SGSM2: variants seen among roughly 807,000 people sequenced by gnomAD.
SGSM2 encodes RUN and TBC1 domain containing 1.
A neutral mutation model predicts 126.6 loss-of-function variants in SGSM2; 89 were observed. That is an observed-to-expected ratio of 0.70 (90% CI 0.59 to 0.84). SGSM2 has a LOEUF of 0.84. SGSM2 is among the 40% of genes least tolerant of loss of function. SGSM2 has a pLI of 0.00. For missense variants in SGSM2, 1,404 were observed against 1,416.6 expected (o/e 0.99, Z 0.14); for synonymous variants, 614 against 574.3 (o/e 1.07, Z -0.99).
Position 2,343,710 on chromosome 17 carries a change from T to G in SGSM2, c.133+90T>G, listed in dbSNP as rs142680743. The G allele has an allele frequency of 3.3e-4, 368 of 1,118,494 alleles. 1 individual carries two copies. The African/African-American group carries it at 5.1e-3, about 16-fold the overall frequency. 69.3% of individuals were successfully genotyped at this position (1,118,494 alleles called of 1,614,324 possible). On this transcript the variant is annotated intron_variant, in intron 2 of 23. Transcript: ENST00000268989. Reference sequence around the variant, plus strand: ...GGAAAAGATGAGTCCTCAGGTGCAGTAGCTCTCAAATCTGGCTGCAAGTCC... The same window carrying G: ...GGAAAAGATGAGTCCTCAGGTGCAGGAGCTCTCAAATCTGGCTGCAAGTCC...
intron 2 of SGSM2, among the ~76,000 whole-genome samples, chr17:2,351,265 A>C (rs935929820): frequency 6.6e-6 from 1 of 150,514 alleles, no homozygotes; most frequent in Non-Finnish European, 1.5e-5. Flanking sequence ...AAAAAAAAAA[A>C]GGAGAGGAGC....
chr17:2,376,027 C>A, intron 18 of SGSM2, 110 bp from the exon 19 acceptor site: 1 of 1,554,794 alleles, frequency 6.4e-7, no homozygotes. Context: ...CCACAGGACT[C>A]GCTCTGGTCT....
chr17:2,347,273 T>G (rs2064636509), intron 2 of SGSM2, among the ~76,000 whole-genome samples: 1 of 151,950 alleles, frequency 6.6e-6, no homozygotes, highest in African/African-American at 2.4e-5. Context: ...ACCTAGCTAA[T>G]TTTTGTATTT....
chr17:2,340,818 T>C (rs2064333186), intron 1 of SGSM2, among the ~76,000 whole-genome samples: 1 of 152,076 alleles, frequency 6.6e-6, no homozygotes. Flanking sequence ...TCTCCTGACC[T>C]CGTGATCCGC....
At chr17:2,339,160 G>T (rs1396757011) in intron 1 of SGSM2, among the ~76,000 whole-genome samples, 2 of 151,182 alleles carry the variant, frequency 1.3e-5, no homozygotes, top group Non-Finnish European at 2.9e-5. Context: ...AGGCGCGGTG[G>T]CTTACGCCTG....
Position 2,379,419 on chromosome 17 carries a change from C to G in SGSM2, c.3068-13C>G. 6.2e-7 allele frequency: 1 copy of G among 1,610,370 alleles called. No homozygotes were observed. Among genetic ancestry groups the G allele is most frequent in the Non-Finnish European group, 8.5e-7 (1 of 1,177,406 alleles). ...CTCTGGGCCTCTCTACAGCTCTTCA[C>G]GTTTCCCCCCAGAACGTGCTGAGCA... On this transcript the variant is annotated splice_polypyrimidine_tract_variant and intron_variant, in intron 23 of 23. Transcript: ENST00000268989.
chr17:2,365,385 T>G lies in SGSM2; in HGVS notation c.1288+44T>G, dbSNP rs372295706. 4.7e-6 allele frequency: 7 copies of G among 1,496,628 alleles called. No individual in the cohort carries two copies. In the African/African-American group the frequency reaches 9.7e-5, roughly 21 times the overall value. The allele number at this position is 1,496,628 out of a possible 1,614,324, so 92.7% of individuals were successfully genotyped here. A position where few individuals can be genotyped will look rare whatever the true frequency, so the allele number is the denominator to read the frequency against. ...ATCCCGGGGGAGGAGAGGAAGACGC[T>G]CTGGGAGGCGGGGAGCGCAGCGTCA... is the stretch of plus-strand genomic sequence containing the variant. On this transcript the variant is annotated intron_variant, in intron 11 of 23. Coordinates refer to ENST00000268989, the MANE Select transcript of SGSM2 (RefSeq NM_014853.3).
At position 2,372,359 on chromosome 17, in the gene SGSM2, C is replaced by T. The variant is rs1053785106; in HGVS notation, c.1659C>T (p.Arg553=). 1 of 1,592,226 alleles carries T rather than the reference C, an allele frequency of 6.3e-7. No homozygotes were observed. Among genetic ancestry groups the T allele is most frequent in the African/African-American group, 1.3e-5 (1 of 74,688 alleles). Residue 553 remains arginine (R), a synonymous_variant, in exon 15 of 24, where the codon CGC becomes CGT. Transcript: ENST00000268989. This position sits in a 1 kb window ranked among gnomAD's most constrained non-coding sequence, Gnocchi z 6.0. ...CCACCGCAGGGCTGGCACACTGCCG[C>T]CACCTGTCCACGGTGCGGACCCACC... The part of the protein sequence containing the change: ...RAFYGWLAHC[R]HLSTVRTHLS...
intron 2 of SGSM2, among the ~76,000 whole-genome samples, chr17:2,344,183 C>T (rs374722102): frequency 3.3e-5 from 5 of 152,230 alleles, no homozygotes; most frequent in African/African-American, 1.2e-4. Flanking sequence ...AAGGGACTCT[C>T]TCATCACCTC....
At chr17:2,338,299 C>T (rs2064179220) in intron 1 of SGSM2, among the ~76,000 whole-genome samples, 1 of 152,222 alleles carries the variant, frequency 6.6e-6, no homozygotes, top group Non-Finnish European at 1.5e-5. Flanking sequence ...AGCCAGGGAC[C>T]AGGGGCTTGT....
At position 2,358,459 on chromosome 17, in the gene SGSM2, C is replaced by T. The variant is rs78464307; in HGVS notation, c.134-3178C>T. Among the ~76,000 whole-genome samples the T allele has an allele frequency of 1.3e-3, 197 of 152,274 alleles. 4 individuals are homozygous for T. The East Asian group carries it at 0.031, about 24-fold the overall frequency. On this transcript the variant is annotated intron_variant, in intron 2 of 23. Transcript: ENST00000268989. Reference sequence around the variant, plus strand: ...GCTCAGTGGCTCAAGCCTGTAATGCCGGCGCTTTGGAAGGCTGAGGTGGAA... The same window carrying T: ...GCTCAGTGGCTCAAGCCTGTAATGCTGGCGCTTTGGAAGGCTGAGGTGGAA...
Position 2,376,774 on chromosome 17 carries a change from T to C in SGSM2, c.2651T>C (p.Met884Thr). ...EHLDVGYVQG[M>T]CDLLAPLLVT... ...CTGGACGTGGGCTATGTGCAGGGCA[T>C]GTGCGATCTGCTGGCGCCTCTCCTG... Residue 884 changes from methionine (M) to threonine (T), a missense_variant, in exon 20 of 24, where the codon ATG becomes ACG. Physicochemically the swap from Met to Thr is moderately conservative, Grantham distance 81. Coordinates refer to ENST00000268989, the MANE Select transcript of SGSM2 (RefSeq NM_014853.3). 4 of 1,614,080 alleles carry C rather than the reference T, an allele frequency of 2.5e-6. No homozygotes were observed. The highest frequency in any genetic ancestry group is 3.4e-6 in the Non-Finnish European group (4 of 1,180,014).
At chr17:2,345,018 C>T (rs556040765) in intron 2 of SGSM2, among the ~76,000 whole-genome samples, 5 of 152,194 alleles carry the variant, frequency 3.3e-5, no homozygotes, top group African/African-American at 1.2e-4. Context: ...ATACCATGTC[C>T]GTTTGGGAAG....
At position 2,365,329 on chromosome 17, in the gene SGSM2, A is replaced by G. The variant is rs1248873671; in HGVS notation, c.1276A>G (p.Arg426Gly). 2 of 1,562,048 alleles carry G rather than the reference A, an allele frequency of 1.3e-6. No individual in the cohort carries two copies. Among genetic ancestry groups the G allele is most frequent in the Non-Finnish European group, 1.7e-6 (2 of 1,151,990 alleles). The change falls in exon 11 of 24, where the codon AGG (arginine) becomes GGG (glycine). Residue 426 changes from arginine to glycine, a missense_variant. Transcript: ENST00000268989. Reference sequence around the variant, plus strand: ...GTTCCGGATCATCTACCCCGGCCACAGGCACGAGCACAGTGAGTGTCCCGA... The same window carrying G: ...GTTCCGGATCATCTACCCCGGCCACGGGCACGAGCACAGTGAGTGTCCCGA... ...YVFRIIYPGH[R>G]HEHITINYHH...
intron 1 of SGSM2, among the ~76,000 whole-genome samples, chr17:2,339,872 G>C (rs1259607905): frequency 1.3e-5 from 2 of 152,054 alleles, no homozygotes; most frequent in African/African-American, 4.8e-5. Context: ...TTATGTCTTT[G>C]CTGTGAAGAG....
At chr17:2,349,313 T>C (rs531275358) in intron 2 of SGSM2, among the ~76,000 whole-genome samples, 2 of 151,852 alleles carry the variant, frequency 1.3e-5, no homozygotes, top group South Asian at 4.2e-4. Context: ...GAGATGGAGG[T>C]TTCAGTGAGC....
Position 2,367,313 on chromosome 17 carries a change from C to T in SGSM2, c.1331C>T (p.Ser444Leu), listed in dbSNP as rs756066809. 10 of 1,613,998 alleles carry T rather than the reference C, an allele frequency of 6.2e-6. No homozygotes were observed. Among genetic ancestry groups the T allele is most frequent in the African/African-American group, 1.3e-5 (1 of 74,948 alleles). The change falls in exon 12 of 24, where the codon TCG becomes TTG. Residue 444 changes from serine (S) to leucine (L), a missense_variant. By Grantham distance (145) the Ser-to-Leu change is moderately radical (BLOSUM62 -2). Coordinates refer to ENST00000268989, the MANE Select transcript of SGSM2 (RefSeq NM_014853.3). This position sits in a 1 kb window ranked among gnomAD's most constrained non-coding sequence, Gnocchi z 4.0. Reference sequence around the variant, plus strand: ...CACCTAGCGGCCAGCCGCGCGGCCTCGGTGGACGATGATGAGGAAGAGGAG... The same window carrying T: ...CACCTAGCGGCCAGCCGCGCGGCCTTGGTGGACGATGATGAGGAAGAGGAG... ...YHHLAASRAA[S>L]VDDDEEEEDK... is the part of the protein sequence containing the mutation.
intron 1 of SGSM2, among the ~76,000 whole-genome samples, chr17:2,343,108 A>T (rs1316768779): frequency 1.3e-5 from 2 of 152,140 alleles, no homozygotes; most frequent in African/African-American, 4.8e-5. Flanking sequence ...GGTGTCCCTG[A>T]GGTATGAGAC....
At chr17:2,351,598 G>A (rs970787522) in intron 2 of SGSM2, among the ~76,000 whole-genome samples, 3 of 152,320 alleles carry the variant, frequency 2.0e-5, no homozygotes, top group East Asian at 3.9e-4. Flanking sequence ...GCAGGACAAG[G>A]ACAATGGGAT....
Sources: allele counts gnomAD v4.1 joint callset (sites outside exome capture counted in the v4.1 genomes callset), GRCh38; gene constraint gnomAD v4.1.1; non-coding constraint Gnocchi (gnomAD v3.1); transcripts MANE v1.5; gene names NCBI Gene and HGNC (gene_info 2026-07-23, HGNC 2026-07-21).